The following CHCHD3 variants were observed in gnomAD, a reference collection of about 807,000 sequenced individuals.
The protein encoded by CHCHD3 is MICOS complex subunit MIC19.
In CHCHD3, 20 loss-of-function variants were observed where a neutral mutation model predicts 38.2. The observed-to-expected ratio is 0.52, with a 90% CI of 0.37 to 0.76. The LOEUF is 0.76. CHCHD3 is among the 30% of genes least tolerant of loss of function. The pLI, the probability that CHCHD3 is intolerant of heterozygous loss-of-function variation, is 0.00. For synonymous variants in CHCHD3, 82 were observed against 100.0 expected (o/e 0.82, Z 1.07); for missense variants, 245 against 279.2 (o/e 0.88, Z 0.87).
At chr7:132,794,125 T>C (rs964054968) in intron 7 of CHCHD3, among the ~76,000 whole-genome samples, 1 of 152,204 alleles carries the variant, frequency 6.6e-6, no homozygotes, top group African/African-American at 2.4e-5. Flanking sequence ...ATGTGTGACC[T>C]TCAGACTCTG....
chr7:132,945,405 T>A (rs1229018778), intron 4 of CHCHD3, among the ~76,000 whole-genome samples: 1 of 152,012 alleles, frequency 6.6e-6, no homozygotes, highest in Admixed American at 6.6e-5. Flanking sequence ...TTCTTTAATA[T>A]TGTACATATA....
chr7:133,028,227 C>A (rs1473035840), intron 2 of CHCHD3, among the ~76,000 whole-genome samples: 1 of 152,188 alleles, frequency 6.6e-6, no homozygotes, highest in African/African-American at 2.4e-5. Flanking sequence ...CAAGTTACAA[C>A]AGCAAGATAC....
At chr7:132,885,558 A>G in intron 5 of CHCHD3, 104 bp downstream of exon 5, 1 of 896,994 alleles carries the variant, frequency 1.1e-6, no homozygotes, top group South Asian at 1.8e-5. Flanking sequence ...TGGCCACTTT[A>G]CAACCAGGAA....
chr7:133,028,527 G>T (rs1345297521), intron 2 of CHCHD3, among the ~76,000 whole-genome samples: 2 of 152,062 alleles, frequency 1.3e-5, no homozygotes, highest in South Asian at 2.1e-4. Flanking sequence ...GGACATGAGG[G>T]TTCATGAATG....
chr7:132,880,408 T>G (rs1809021452), intron 5 of CHCHD3, among the ~76,000 whole-genome samples: 1 of 152,216 alleles, frequency 6.6e-6, no homozygotes, highest in Non-Finnish European at 1.5e-5. Context: ...ATAAGGATGC[T>G]ATAAACAATA....
intron 5 of CHCHD3, among the ~76,000 whole-genome samples, chr7:132,853,907 T>TGTC (rs1808281717): frequency 6.6e-6 from 1 of 152,124 alleles, no homozygotes; most frequent in South Asian, 2.1e-4. Flanking sequence ...AGACTGCAGG[T>TGTC]GTCTAGCACA....
At chr7:133,029,693 G>T (rs1813447865) in intron 2 of CHCHD3, among the ~76,000 whole-genome samples, 1 of 152,156 alleles carries the variant, frequency 6.6e-6, no homozygotes, top group South Asian at 2.1e-4. Flanking sequence ...GAGAGGAAGT[G>T]GTTTGGGGTG....
intron 4 of CHCHD3, chr7:132,972,967 C>G (rs540691669): frequency 1.0e-6 from 1 of 985,426 alleles, no homozygotes; most frequent in African/African-American, 1.7e-5. Context: ...TGCAGATATG[C>G]TATTCCAATC....
intron 4 of CHCHD3, among the ~76,000 whole-genome samples, chr7:132,890,164 T>C (rs901503945): frequency 5.3e-5 from 8 of 152,152 alleles, no homozygotes; most frequent in Admixed American, 2.0e-4. Flanking sequence ...AAAGAAAATA[T>C]GGAAATCAAG....
chr7:133,021,695 T>C (rs1014357156), intron 3 of CHCHD3, among the ~76,000 whole-genome samples: 1 of 152,200 alleles, frequency 6.6e-6, no homozygotes, highest in African/African-American at 2.4e-5. Flanking sequence ...TCACCACATA[T>C]GTAGAGTGAC....
chr7:132,893,198 G>A (rs1171881796), intron 4 of CHCHD3, among the ~76,000 whole-genome samples: 2 of 152,206 alleles, frequency 1.3e-5, no homozygotes, highest in African/African-American at 4.8e-5. Context: ...GGCCATGGGA[G>A]CCCACCTCTT....
intron 4 of CHCHD3, among the ~76,000 whole-genome samples, chr7:132,908,580 C>T (rs1024891181): frequency 6.6e-6 from 1 of 152,100 alleles, no homozygotes. Context: ...AGACTCTCCT[C>T]TGATAAAGAC....
chr7:133,066,641 G>C (rs929731930), intron 2 of CHCHD3, among the ~76,000 whole-genome samples: 1 of 152,082 alleles, frequency 6.6e-6, no homozygotes, highest in African/African-American at 2.4e-5. Context: ...TTTCAAATGG[G>C]GAGTGAGAAG....
rs567457741 is a variant in CHCHD3, at chr7:132,803,335, C to T, written c.525-6758G>A. 5.8e-4 allele frequency among the ~76,000 whole-genome samples: 88 copies of T among 151,438 alleles called. 1 individual carries two copies. Among genetic ancestry groups the T allele is most frequent in the Non-Finnish European group, 1.5e-5 (1 of 68,010 alleles). ...TTATTTGAATATCTCAATTAGGTTT[C>T]AGGGTCAAGAAAAGCATCGTTATTA... is the stretch of plus-strand genomic sequence containing the variant. On this transcript the variant is annotated intron_variant, in intron 6 of 7. Coordinates refer to ENST00000262570, the MANE Select transcript of CHCHD3 (RefSeq NM_017812.4).
chr7:132,899,338 G>C (rs535558465), intron 4 of CHCHD3, among the ~76,000 whole-genome samples: 4 of 152,192 alleles, frequency 2.6e-5, no homozygotes, highest in African/African-American at 9.6e-5. Context: ...ATCTTAGCCA[G>C]GCTGATGGGG....
chr7:133,009,899 T>G (rs1231890799), intron 3 of CHCHD3, among the ~76,000 whole-genome samples: 6 of 152,196 alleles, frequency 3.9e-5, no homozygotes, highest in Admixed American at 3.9e-4. Flanking sequence ...ACTGTCAAGT[T>G]TCCACTTTTA....
intron 6 of CHCHD3, among the ~76,000 whole-genome samples, chr7:132,805,277 A>T (rs191863175): frequency 6.6e-6 from 1 of 151,602 alleles, no homozygotes; most frequent in Admixed American, 6.6e-5. Context: ...TATACACTAC[A>T]GCTGTTCTGA....
In CHCHD3 at chr7:132,785,587, T is replaced by C. The variant is rs1291199044; in HGVS notation, c.*50A>G. The C allele has an allele frequency of 6.3e-7, 1 of 1,597,990 alleles. No homozygotes were observed. The highest frequency in any genetic ancestry group is 8.6e-7 in the Non-Finnish European group (1 of 1,165,912). ...TGTTTTCTCACTAGGAAAAAAAATGTTCCATCTCTGGAATTAACGTTGATG... is the reference window on the plus strand; with the variant it reads ...TGTTTTCTCACTAGGAAAAAAAATGCTCCATCTCTGGAATTAACGTTGATG... On this transcript the variant is annotated 3_prime_UTR_variant, in exon 8 of 8. Coordinates refer to ENST00000262570, the MANE Select transcript of CHCHD3 (RefSeq NM_017812.4).
At chr7:132,928,466 G>A (rs1810430875) in intron 4 of CHCHD3, among the ~76,000 whole-genome samples, 1 of 152,140 alleles carries the variant, frequency 6.6e-6, no homozygotes, top group Admixed American at 6.5e-5. Flanking sequence ...GGAGGCCAAG[G>A]TGGGTGGATC....
Sources: allele counts gnomAD v4.1 joint callset (sites outside exome capture counted in the v4.1 genomes callset), GRCh38; gene constraint gnomAD v4.1.1; transcripts MANE v1.5; gene names NCBI Gene and HGNC (gene_info 2026-07-23, HGNC 2026-07-21).